Variants in ZNF229 observed in about 807,000 individuals in gnomAD.
ZNF229 encodes the protein zinc finger protein 229.
Under a neutral mutation model 11.8 loss-of-function variants are expected in ZNF229, and 10 were observed. The observed-to-expected ratio is 0.85, with a 90% confidence interval of 0.52 to 1.44. ZNF229 has a LOEUF of 1.44. Ranked by LOEUF, ZNF229 falls within the 40% of genes most tolerant of loss-of-function variation. The pLI is 0.00. For synonymous variants in ZNF229, 368 were observed against 374.8 expected (o/e 0.98, Z 0.21); for missense variants, 1,045 against 1,015.1 (o/e 1.03, Z -0.40).
rs748406342 is a variant in ZNF229, at chr19:44,430,006, T to C, written c.775A>G (p.Asn259Asp). 2.1e-5 allele frequency: 34 copies of C among 1,614,038 alleles called. No individual in the cohort carries two copies. Among genetic ancestry groups the C allele is most frequent in the Non-Finnish European group, 2.8e-5 (33 of 1,180,034 alleles). ...CIKNSVLHRINPGENGLKSNE... is the reference protein window; with the variant it reads ...CIKNSVLHRIDPGENGLKSNE... ...CTTTTCAAGCCATTCTCTCCAGGGT[T>C]AATGCGATGAAGTACAGAGTTTTTA... is the stretch of plus-strand genomic sequence containing the variant. The change falls in exon 6 of 6, where the codon AAC becomes GAC. Residue 259 changes from asparagine (N) to aspartate (D), a missense_variant. By Grantham distance (23) the Asn-to-Asp change is conservative. Coordinates refer to ENST00000614049, the MANE Select transcript of ZNF229 (RefSeq NM_014518.4).
intron 2 of ZNF229, among the ~76,000 whole-genome samples, chr19:44,446,544 A>G (rs544175895): frequency 7.9e-5 from 12 of 152,208 alleles, no homozygotes; most frequent in Non-Finnish European, 1.6e-4. Context: ...ATGTGAATAA[A>G]CTTCAAAGCC....
Position 44,430,208 on chromosome 19 carries a change from C to T in ZNF229, c.573G>A (p.Ala191=), listed in dbSNP as rs752878423. 1.4e-5 allele frequency: 23 copies of T among 1,613,964 alleles called. No individual in the cohort carries two copies. Among genetic ancestry groups the T allele is most frequent in the African/African-American group, 6.7e-5 (5 of 74,832 alleles). Reference sequence around the variant, plus strand: ...GAACATCCCCTAACTGGTTCACAAACGCTTTTGCCCAAGATCCTTGAATGG... The same window carrying T: ...GAACATCCCCTAACTGGTTCACAAATGCTTTTGCCCAAGATCCTTGAATGG... ...PIPIQGSWAK[A]FVNQLGDVQE... Residue 191 remains alanine, a synonymous_variant, in exon 6 of 6, where the codon GCG becomes GCA. Transcript: ENST00000614049.
chr19:44,429,926 T>C lies in ZNF229; in HGVS notation c.855A>G (p.Arg285=), dbSNP rs769062533. The C allele has an allele frequency of 8.1e-6, 13 of 1,614,028 alleles. No homozygotes were observed. The highest frequency in any genetic ancestry group is 1.1e-5 in the Non-Finnish European group (13 of 1,179,972). ...RDDADLPPHP[R]VPLKEKLCQY... is the part of the protein sequence containing the mutation. Reference sequence around the variant, plus strand: ...GACAGAGTTTCTCTTTCAAAGGTACTCTTGGATGCGGGGGAAGGTCTGCAT... The same window carrying C: ...GACAGAGTTTCTCTTTCAAAGGTACCCTTGGATGCGGGGGAAGGTCTGCAT... Residue 285 remains arginine, a synonymous_variant, in exon 6 of 6, where the codon AGA becomes AGG. Transcript: ENST00000614049.
Position 44,428,388 on chromosome 19 carries a change from C to T in ZNF229, c.2393G>A (p.Cys798Tyr), listed in dbSNP as rs753089961. The T allele has an allele frequency of 8.7e-6, 14 of 1,614,040 alleles. No homozygotes were observed. Among genetic ancestry groups the T allele is most frequent in the Admixed American group, 1.7e-5 (1 of 60,006 alleles). ...RVHTGEKPYT[C>Y]GVCGKGFSYT... is the part of the protein sequence containing the mutation. The stretch of plus-strand genomic sequence containing the variant: ...ACTGAAGCCTTTCCCACACACACCA[C>T]ACGTATAGGGCTTCTCTCCAGTGTG... The change falls in exon 6 of 6, where the codon TGT becomes TAT. Residue 798 changes from cysteine (C) to tyrosine (Y), a missense_variant. Coordinates refer to ENST00000614049, the MANE Select transcript of ZNF229 (RefSeq NM_014518.4).
At chr19:44,435,611 A>G (rs947229030) in intron 4 of ZNF229, among the ~76,000 whole-genome samples, 4 of 133,584 alleles carry the variant, frequency 3.0e-5, no homozygotes, top group African/African-American at 1.1e-4. Flanking sequence ...AGCACATACC[A>G]AAGTTTCAGA....
intron 4 of ZNF229, among the ~76,000 whole-genome samples, chr19:44,439,038 A>G (rs1971862522): frequency 1.3e-5 from 2 of 152,138 alleles, no homozygotes; most frequent in Admixed American, 1.3e-4. Flanking sequence ...GGGAGGGAGG[A>G]GCAGTCTCTT....
chr19:44,431,803 C>T (rs1177125292), intron 5 of ZNF229: 2 of 989,010 alleles, frequency 2.0e-6, no homozygotes, highest in Non-Finnish European at 2.4e-6. Flanking sequence ...CCATCTGTTA[C>T]CCCAGTCTTC....
At position 44,426,652 on chromosome 19, in the gene ZNF229, G is replaced by C. The variant is rs140329200; in HGVS notation, c.*1651C>G. On this transcript the variant is annotated 3_prime_UTR_variant, in exon 6 of 6. Transcript: ENST00000614049. The stretch of plus-strand genomic sequence containing the variant: ...CTTATCTAAAAAATTTCCTACCAAT[G>C]GAAACTGGAATATTAACATTTGCTA... 1 of 152,054 alleles carries C rather than the reference G, an allele frequency of 6.6e-6. No individual in the cohort carries two copies. The highest frequency in any genetic ancestry group is 1.5e-5 in the Non-Finnish European group (1 of 68,020). 9.4% of individuals were successfully genotyped at this position (152,054 alleles called of 1,614,324 possible). A position where few individuals can be genotyped will look rare whatever the true frequency, so the allele number is the denominator to read the frequency against.
chr19:44,430,534 T>C lies in ZNF229; in HGVS notation c.247A>G (p.Asn83Asp). 1 of 1,612,112 alleles carries C rather than the reference T, an allele frequency of 6.2e-7. No individual in the cohort carries two copies. Among genetic ancestry groups the C allele is most frequent in the Non-Finnish European group, 8.5e-7 (1 of 1,178,964 alleles). ...TGAATATACTCCGTATCCTTTCCAT[T>C]CTTGTCTCCTATGAGGTTAAAGACA... Reference protein sequence around the residue: ...VGERNPLGDKNGKDTEYIQDE... With the variant: ...VGERNPLGDKDGKDTEYIQDE... Residue 83 changes from asparagine (N) to aspartate (D), a missense_variant, in exon 6 of 6, where the codon AAT becomes GAT. Coordinates refer to ENST00000614049, the MANE Select transcript of ZNF229 (RefSeq NM_014518.4).
Position 44,427,532 on chromosome 19 carries a change from AT to A in ZNF229, c.*770del, listed in dbSNP as rs1268804185. 3 of 152,140 alleles carry A rather than the reference AT, an allele frequency of 2.0e-5. No homozygotes were observed. The highest frequency in any genetic ancestry group is 7.2e-5 in the African/African-American group (3 of 41,394). The allele number at this position is 152,140 out of a possible 1,614,324, so 9.4% of individuals were successfully genotyped here. On this transcript the variant is annotated 3_prime_UTR_variant, in exon 6 of 6. Coordinates refer to ENST00000614049, the MANE Select transcript of ZNF229 (RefSeq NM_014518.4). ...AGTCATTTTTTTAAAGTGAAAAAAA[AT>A]CAGCATTTCAAAGACGCCACATTCT...
chr19:44,437,473 G>C (rs56139767), intron 4 of ZNF229, among the ~76,000 whole-genome samples: 2 of 152,102 alleles, frequency 1.3e-5, no homozygotes, highest in Admixed American at 1.3e-4. Flanking sequence ...AGCAACAAAC[G>C]CTGGCAAGGT....
rs553796775 is a variant in ZNF229 at position 44,426,809 on chromosome 19, G to A, written c.*1494C>T. 2.4e-4 allele frequency: 36 copies of A among 152,234 alleles called. 1 individual carries two copies. The highest frequency in any genetic ancestry group is 6.3e-4 in the African/African-American group (26 of 41,504). 9.4% of individuals were successfully genotyped at this position (152,234 alleles called of 1,614,324 possible). On this transcript the variant is annotated 3_prime_UTR_variant, in exon 6 of 6. Transcript: ENST00000614049. ...AAGGTTATAGAAATTGAATTGATACGTTAATGAATTCTTTTGAAAACAATG... is the reference window on the plus strand; with the variant it reads ...AAGGTTATAGAAATTGAATTGATACATTAATGAATTCTTTTGAAAACAATG...
At chr19:44,431,923 T>C in intron 5 of ZNF229, 1 of 655,036 alleles carries the variant, frequency 1.5e-6, no homozygotes, top group Non-Finnish European at 1.9e-6. Flanking sequence ...AAGAAATTAG[T>C]GTCCTTAGAA....
intron 5 of ZNF229, 100 bp downstream of exon 5, chr19:44,432,122 A>G: frequency 6.7e-7 from 1 of 1,488,996 alleles, no homozygotes; most frequent in Non-Finnish European, 8.9e-7. Flanking sequence ...AGCAGCTGAA[A>G]CTAAGAGTTC....
At chr19:44,444,203 G>T (rs573547829) in intron 2 of ZNF229, among the ~76,000 whole-genome samples, 1 of 152,150 alleles carries the variant, frequency 6.6e-6, no homozygotes, top group Admixed American at 6.5e-5. Flanking sequence ...CAAAGACAGT[G>T]GACATGAGTT....
intron 5 of ZNF229, 30 bp from the exon 6 acceptor site, chr19:44,430,572 G>C: frequency 6.3e-7 from 1 of 1,575,950 alleles, no homozygotes; most frequent in Non-Finnish European, 8.6e-7. Context: ...TCAGAGATGA[G>C]AACTAGTAAA....
In ZNF229 at chr19:44,429,335, T is replaced by C. The variant is rs764439245; in HGVS notation, c.1446A>G (p.Thr482=). The C allele has an allele frequency of 1.9e-6, 3 of 1,613,968 alleles. No homozygotes were observed. In the African/African-American group the frequency reaches 4.0e-5, roughly 22 times the overall value. The part of the protein sequence containing the change: ...CSSHLSSHQK[T]HTGERPYQCD... Reference sequence around the variant, plus strand: ...ACTGGTAGGGCCTCTCGCCGGTGTGTGTCTTCTGATGACTGCTGAGGTGGG... The same window carrying C: ...ACTGGTAGGGCCTCTCGCCGGTGTGCGTCTTCTGATGACTGCTGAGGTGGG... The change falls in exon 6 of 6, where the codon ACA becomes ACG. Residue 482 remains threonine, a synonymous_variant. Coordinates refer to ENST00000614049, the MANE Select transcript of ZNF229 (RefSeq NM_014518.4).
chr19:44,447,878 T>G (rs926054), intron 1 of ZNF229, among the ~76,000 whole-genome samples: 16,377 of 152,152 alleles, frequency 0.11, 884 homozygotes, highest in Middle Eastern at 0.18. Context: ...CTCAAGATTT[T>G]AATCCAGAGC....
chr19:44,434,897 G>A (rs761660191), intron 4 of ZNF229, among the ~76,000 whole-genome samples: 38 of 152,130 alleles, frequency 2.5e-4, no homozygotes, highest in Non-Finnish European at 4.4e-4. Flanking sequence ...GACCTGATGG[G>A]AGGAAATTGA....
Sources: gnomAD v4.1 joint callset for allele counts (sites outside exome capture counted in the v4.1 genomes callset) on GRCh38, gnomAD v4.1.1 for gene constraint, MANE v1.5 for transcripts, NCBI Gene and HGNC (gene_info 2026-07-23, HGNC 2026-07-21) for gene names.